PARVG: variants seen among roughly 807,000 people sequenced by gnomAD.
PARVG encodes the protein gamma-parvin.
A neutral mutation model predicts 44.4 loss-of-function variants in PARVG; 36 were observed. The ratio of observed to expected loss-of-function variants is 0.81; its 90% CI spans 0.62 to 1.07. The LOEUF is 1.07. Among genes scored for constraint, PARVG ranks in the 50% least tolerant of loss-of-function variants. The probability of loss-of-function intolerance (pLI) is 0.00; values close to 1 mark genes in which losing one functional copy is unlikely to be tolerated. For synonymous variants in PARVG, 170 were observed against 174.1 expected, an observed-to-expected ratio of 0.98 and a Z score of 0.19; for missense variants, 407 against 407.4, an observed-to-expected ratio of 1.00 and a Z score of 0.01.
At chr22:44,206,140 G>A (rs1021598714) in intron 13 of PARVG, among the ~76,000 whole-genome samples, 177 bp from the exon 14 acceptor site, 15 of 152,196 alleles carry the variant, frequency 9.9e-5, no homozygotes, top group East Asian at 3.9e-4. Flanking sequence ...AGGAGGAGGA[G>A]GCAGTCACGC....
At position 44,173,061 on chromosome 22, in the gene PARVG, C is replaced by A. The variant is rs137980332; in HGVS notation, c.-319C>A. The stretch of plus-strand genomic sequence containing the variant: ...TGTGACTCCACCCAGCGCTGCTTCC[C>A]GGGACCTTCCAATTGGACAGGAGCT... On this transcript the variant is annotated 5_prime_UTR_variant, in exon 1 of 14. Transcript: ENST00000422871. 7 of 1,289,646 alleles carry A rather than the reference C, an allele frequency of 5.4e-6. No individual in the cohort carries two copies. In the Admixed American group the frequency reaches 1.4e-4, roughly 25 times the overall value. The allele number at this position is 1,289,646 out of a possible 1,614,324, so 79.9% of individuals were successfully genotyped here.
At position 44,187,514 on chromosome 22, in the gene PARVG, T is replaced by G. The variant is rs913960851; in HGVS notation, c.145-262T>G. 2.6e-5 allele frequency: 14 copies of G among 544,662 alleles called. No homozygotes were observed. In the Admixed American group the frequency reaches 3.4e-4, roughly 13 times the overall value. 33.7% of individuals were successfully genotyped at this position (544,662 alleles called of 1,614,324 possible). A position where few individuals can be genotyped will look rare whatever the true frequency, so the allele number is the denominator to read the frequency against. On this transcript the variant is annotated intron_variant, in intron 4 of 13. Transcript: ENST00000444313. ...TTTGCTATGGTAGTACCCCACTTCC[T>G]GGTACTAAAACCTCACACATGATAA...
At chr22:44,197,744 T>C (rs139147) in intron 11 of PARVG, among the ~76,000 whole-genome samples, 33,965 of 152,150 alleles carry the variant, frequency 0.22, 3,896 homozygotes, top group Admixed American at 0.24. Flanking sequence ...CTTGGTAGAA[T>C]TGTGAGTGAT....
At chr22:44,173,376 C>T (rs116835749) in intron 1 of PARVG, among the ~76,000 whole-genome samples, 2,152 of 152,198 alleles carry the variant, frequency 0.014, 49 homozygotes, top group African/African-American at 0.047. Flanking sequence ...GGCAAGGAAC[C>T]CCTGTGTGGC....
chr22:44,196,307 A>G (rs2054616465), intron 10 of PARVG, 40 bp from the exon 11 acceptor site: 2 of 1,613,878 alleles, frequency 1.2e-6, no homozygotes, highest in Non-Finnish European at 1.7e-6. Context: ...TCCTCCCATC[A>G]CACCTGCTGT....
rs2054394437 is a variant in PARVG at position 44,182,303 on chromosome 22, C to T, written c.-13+386C>T. On this transcript the variant is annotated intron_variant, in intron 2 of 13. Coordinates refer to ENST00000444313, the MANE Select transcript of PARVG (RefSeq NM_022141.7). This position sits in a 1 kb window ranked among gnomAD's most constrained non-coding sequence, Gnocchi z 4.6. ...AGGGCAGGGGGTTTGCCCAACGTCACACAGCCTGAGTGAGGAGGAGCTGGC... is the reference window on the plus strand; with the variant it reads ...AGGGCAGGGGGTTTGCCCAACGTCATACAGCCTGAGTGAGGAGGAGCTGGC... Among the ~76,000 whole-genome samples, 1 of 152,226 alleles carries T rather than the reference C, an allele frequency of 6.6e-6. No individual in the cohort carries two copies. The highest frequency in any genetic ancestry group is 6.5e-5 in the Admixed American group (1 of 15,288).
chr22:44,200,121 C>A (rs576066514), intron 12 of PARVG, among the ~76,000 whole-genome samples: 2 of 152,330 alleles, frequency 1.3e-5, no homozygotes, highest in East Asian at 3.9e-4. Context: ...GTGGTGTGTG[C>A]CACCACTTCC....
At chr22:44,186,099 C>T (rs185553944) in intron 4 of PARVG, 3 of 383,978 alleles carry the variant, frequency 7.8e-6, no homozygotes, top group Middle Eastern at 8.9e-4. Context: ...CATACACCAT[C>T]CCAGCAACCC....
upstream of PARVG, among the ~76,000 whole-genome samples, chr22:44,177,909 G>A (rs898078589): frequency 6.6e-6 from 1 of 152,022 alleles, no homozygotes; most frequent in Non-Finnish European, 1.5e-5. Context: ...TATCAAATTT[G>A]TACACTAAAA....
intron 12 of PARVG, among the ~76,000 whole-genome samples, 198 bp downstream of exon 12, chr22:44,198,920 AT>A (rs2054657724): frequency 1.3e-4 from 12 of 92,294 alleles, no homozygotes; most frequent in African/African-American, 1.8e-4. Flanking sequence ...CCATCCATCC[AT>A]CTACCCATCC....
At chr22:44,194,065 T>C (rs1294534149) in intron 9 of PARVG, among the ~76,000 whole-genome samples, 1 of 152,216 alleles carries the variant, frequency 6.6e-6, no homozygotes, top group Admixed American at 6.5e-5. Context: ...TGGGCAGTGA[T>C]GGTGGAGTCT....
At position 44,198,714 on chromosome 22, in the gene PARVG, G is replaced by T; in HGVS notation, c.805G>T (p.Ala269Ser). ...ATTCTACCTCACTCCCAACTCTCCT[G>T]CAGAAATGGTAAGTTTTCCAAGGAT... ...KEFYLTPNSPAEMLHNVTLAL... is the reference protein window; with the variant it reads ...KEFYLTPNSPSEMLHNVTLAL... The change falls in exon 12 of 14, where the codon GCA becomes TCA. Residue 269 changes from alanine to serine, a missense_variant. Physicochemically the swap from Ala to Ser is moderately conservative, Grantham distance 99 (BLOSUM62 1). Coordinates refer to ENST00000444313, the MANE Select transcript of PARVG (RefSeq NM_022141.7). 6.2e-7 allele frequency: 1 copy of T among 1,608,564 alleles called. No homozygotes were observed. Among genetic ancestry groups the T allele is most frequent in the Non-Finnish European group, 8.5e-7 (1 of 1,174,886 alleles).
At chr22:44,185,002 C>T (rs1469134353) in intron 3 of PARVG, 1 of 152,284 alleles carries the variant, frequency 6.6e-6, no homozygotes, top group Non-Finnish European at 1.5e-5. Context: ...TCCATTCACT[C>T]ATTCCTTCAT....
chr22:44,198,591 T>C (rs914241075), intron 11 of PARVG, 30 bp from the exon 12 acceptor site: 4 of 1,541,720 alleles, frequency 2.6e-6, no homozygotes, highest in Admixed American at 3.4e-5. Context: ...GCTTCTTCCA[T>C]GTGATTGTCT....
upstream of PARVG, chr22:44,180,873 G>C (rs2054365202): frequency 1.0e-6 from 1 of 979,570 alleles, no homozygotes; most frequent in South Asian, 4.7e-5. Flanking sequence ...TAGCTTCCCA[G>C]TCACCTGTTG....
intron 6 of PARVG, among the ~76,000 whole-genome samples, chr22:44,189,785 CCG>C (rs1450583946): frequency 6.6e-6 from 1 of 152,128 alleles, no homozygotes; most frequent in South Asian, 2.1e-4. Flanking sequence ...GGCGTGGTGG[CCG>C]GTGCCTGTAA....
intron 4 of PARVG, chr22:44,187,146 A>G: frequency 5.6e-6 from 1 of 177,188 alleles, no homozygotes. Context: ...AACCACAGAA[A>G]CCTACTGTCT....
chr22:44,181,365 G>C, intron 1 of PARVG, 180 bp downstream of exon 1: 1 of 985,608 alleles, frequency 1.0e-6, no homozygotes, highest in Non-Finnish European at 1.2e-6. Context: ...GCAGCCGAGA[G>C]TCCAGGTAGG....
chr22:44,185,974 C>G (rs754540673), intron 4 of PARVG, 102 bp downstream of exon 4: 8 of 1,205,944 alleles, frequency 6.6e-6, no homozygotes, highest in Non-Finnish European at 9.4e-6. Flanking sequence ...ACTCCTTGGC[C>G]TCAGGCTGGG....
Sources: gnomAD v4.1 joint callset for allele counts (sites outside exome capture counted in the v4.1 genomes callset) on GRCh38, gnomAD v4.1.1 for gene constraint, Gnocchi (gnomAD v3.1) non-coding constraint, MANE v1.5 for transcripts, NCBI Gene and HGNC (gene_info 2026-07-23, HGNC 2026-07-21) for gene names.